The following AGBL1 variants were observed in gnomAD, a reference collection of about 807,000 sequenced individuals.
AGBL1 encodes AGBL carboxypeptidase 1.
AGBL1 carries 130 observed loss-of-function variants against 118.9 expected under a neutral mutation model. The observed-to-expected ratio is 1.09, with a 90% CI of 0.95 to 1.26. The LOEUF (loss-of-function observed/expected upper bound fraction) is 1.26. AGBL1 is among the 50% of genes most tolerant of loss of function. The probability of loss-of-function intolerance (pLI) is 0.00; values close to 1 mark genes in which losing one functional copy is unlikely to be tolerated. For synonymous variants in AGBL1, 555 were observed against 478.9 expected (o/e 1.16, Z -2.08); for missense variants, 1,584 against 1,298.1 (o/e 1.22, Z -3.38).
intron 21 of AGBL1, among the ~76,000 whole-genome samples, chr15:86,608,860 A>T (rs1045998900): frequency 3.9e-5 from 6 of 152,180 alleles, no homozygotes; most frequent in Non-Finnish European, 1.5e-5. Context: ...GAGCATCATG[A>T]AACATATCTA....
intron 17 of AGBL1, among the ~76,000 whole-genome samples, chr15:86,327,473 G>A (rs1171593889): frequency 6.6e-6 from 1 of 152,122 alleles, no homozygotes; most frequent in African/African-American, 2.4e-5. Context: ...AGAAATTTTG[G>A]TCTGAATGTA....
chr15:86,665,662 C>G (rs898596152), intron 21 of AGBL1, among the ~76,000 whole-genome samples: 2 of 151,994 alleles, frequency 1.3e-5, no homozygotes, highest in Non-Finnish European at 1.5e-5. Flanking sequence ...TGAAAATATA[C>G]ATTGAAAAAC....
chr15:86,513,308 AAT>A (rs2083074876), intron 18 of AGBL1, among the ~76,000 whole-genome samples: 2 of 151,808 alleles, frequency 1.3e-5, no homozygotes, highest in Non-Finnish European at 2.9e-5. Flanking sequence ...ATATCCCTTG[AAT>A]TGGGTTTGTC....
At chr15:86,973,920 A>T (rs565259509) in intron 23 of AGBL1, among the ~76,000 whole-genome samples, 1 of 145,038 alleles carries the variant, frequency 6.9e-6, no homozygotes, top group Non-Finnish European at 1.5e-5. Flanking sequence ...AAACATATTT[A>T]ATATATTAAA....
chr15:86,494,117 T>C (rs2082817809), intron 18 of AGBL1, among the ~76,000 whole-genome samples: 1 of 152,084 alleles, frequency 6.6e-6, no homozygotes, highest in Non-Finnish European at 1.5e-5. Context: ...AGATGAGTCA[T>C]CTTCTACTCT....
At chr15:86,617,154 G>C (rs2084740183) in intron 21 of AGBL1, among the ~76,000 whole-genome samples, 1 of 152,112 alleles carries the variant, frequency 6.6e-6, no homozygotes, top group South Asian at 2.1e-4. Flanking sequence ...ATTTCTAATT[G>C]CATTCTATAA....
At chr15:86,790,505 C>A (rs2078477073) in intron 22 of AGBL1, among the ~76,000 whole-genome samples, 1 of 152,182 alleles carries the variant, frequency 6.6e-6, no homozygotes, top group Admixed American at 6.5e-5. Flanking sequence ...ATAGGACCTG[C>A]AAGCTAGTGC....
intron 18 of AGBL1, among the ~76,000 whole-genome samples, chr15:86,453,135 C>T (rs1421114612): frequency 2.0e-5 from 3 of 152,264 alleles, no homozygotes; most frequent in South Asian, 4.1e-4. Context: ...GTCTGCGACT[C>T]TATCCTCAGC....
chr15:86,580,903 T>G (rs1190579997), intron 21 of AGBL1, among the ~76,000 whole-genome samples: 2 of 152,216 alleles, frequency 1.3e-5, no homozygotes, highest in Non-Finnish European at 2.9e-5. Context: ...AATATTTGTA[T>G]TTTGTTCCAA....
At chr15:86,260,676 G>T (rs1290847020) in intron 9 of AGBL1, among the ~76,000 whole-genome samples, 1 of 152,170 alleles carries the variant, frequency 6.6e-6, no homozygotes, top group Non-Finnish European at 1.5e-5. Flanking sequence ...CAGTCTAGTG[G>T]ACTTGGAGTT....
At chr15:86,807,873 G>T (rs1244591186) in intron 22 of AGBL1, among the ~76,000 whole-genome samples, 1 of 152,118 alleles carries the variant, frequency 6.6e-6, no homozygotes, top group African/African-American at 2.4e-5. Context: ...TAAAACAAGT[G>T]TTATAGCTGC....
intron 18 of AGBL1, among the ~76,000 whole-genome samples, chr15:86,419,569 T>C (rs1215513523): frequency 6.6e-6 from 1 of 151,880 alleles, no homozygotes; most frequent in Non-Finnish European, 1.5e-5. Context: ...CAGGAGTTTT[T>C]TTTTTTTTCA....
At chr15:86,251,227 T>C (rs984749581) in intron 7 of AGBL1, among the ~76,000 whole-genome samples, 4 of 152,176 alleles carry the variant, frequency 2.6e-5, no homozygotes, top group East Asian at 1.9e-4. Flanking sequence ...AGCTCATAAG[T>C]GTTGGAGCTA....
intron 22 of AGBL1, among the ~76,000 whole-genome samples, chr15:86,724,452 G>C (rs1396812523): frequency 2.0e-5 from 3 of 152,142 alleles, no homozygotes; most frequent in East Asian, 3.9e-4. Flanking sequence ...AGTGACCTGA[G>C]GTGTATAGGT....
chr15:86,801,625 C>A (rs1453334768), intron 22 of AGBL1, among the ~76,000 whole-genome samples: 1 of 152,104 alleles, frequency 6.6e-6, no homozygotes, highest in East Asian at 1.9e-4. Context: ...ATCTCTATAA[C>A]TTATCTATCT....
chr15:86,768,649 C>A (rs1035113705), intron 22 of AGBL1, among the ~76,000 whole-genome samples: 2 of 151,870 alleles, frequency 1.3e-5, no homozygotes, highest in Admixed American at 6.6e-5. Flanking sequence ...TGGCTCTTGG[C>A]CCACATCAAG....
At chr15:87,004,686 A>G (rs2081479584) in intron 24 of AGBL1, among the ~76,000 whole-genome samples, 1 of 152,182 alleles carries the variant, frequency 6.6e-6, no homozygotes, top group Non-Finnish European at 1.5e-5. Flanking sequence ...TAGCCCATTT[A>G]CATTTAAGGT....
chr15:86,217,611 A>T (rs1567133608), intron 5 of AGBL1, among the ~76,000 whole-genome samples: 3 of 152,210 alleles, frequency 2.0e-5, no homozygotes, highest in Non-Finnish European at 2.9e-5. Flanking sequence ...CTAAGTTAGG[A>T]TGTAAAGGAT....
At chr15:86,948,170 T>A (rs370782558) in intron 23 of AGBL1, among the ~76,000 whole-genome samples, 9 of 151,436 alleles carry the variant, frequency 5.9e-5, no homozygotes, top group African/African-American at 2.2e-4. Context: ...GGGGAGGAGG[T>A]GGATTTAGAC....
Sources: gnomAD v4.1 joint callset for allele counts (sites outside exome capture counted in the v4.1 genomes callset) on GRCh38, gnomAD v4.1.1 for gene constraint, MANE v1.5 for transcripts, NCBI Gene and HGNC (gene_info 2026-07-23, HGNC 2026-07-21) for gene names.